Variants in FHIP1A observed in about 807,000 individuals in gnomAD.
FHIP1A encodes FHF complex subunit HOOK interacting protein 1A, also known as FHF complex subunit HOOK-interacting protein 1A.
A neutral mutation model predicts 88.6 loss-of-function variants in FHIP1A; 61 were observed. That is an observed-to-expected ratio of 0.69 (90% CI 0.56 to 0.85). The LOEUF (loss-of-function observed/expected upper bound fraction) is 0.85. Among genes scored for constraint, FHIP1A ranks in the 40% least tolerant of loss-of-function variants. FHIP1A has a pLI of 0.00. For missense variants in FHIP1A, 1,154 were observed against 1,273.5 expected (o/e 0.91, Z 1.43); for synonymous variants, 478 against 496.0 (o/e 0.96, Z 0.48).
chr4:151,484,699 C>A (rs1010463292), intron 3 of FHIP1A, among the ~76,000 whole-genome samples: 1 of 152,194 alleles, frequency 6.6e-6, no homozygotes, highest in African/African-American at 2.4e-5. Flanking sequence ...CAGTAGAATT[C>A]ATCTGTTATG....
chr4:151,516,077 A>T (rs1398029678), intron 3 of FHIP1A, among the ~76,000 whole-genome samples: 1 of 152,228 alleles, frequency 6.6e-6, no homozygotes, highest in Non-Finnish European at 1.5e-5. Flanking sequence ...TAACCAAAAC[A>T]GCATGGTACT....
At position 151,460,466 on chromosome 4, in the gene FHIP1A, T is replaced by C. The variant is rs553163748; in HGVS notation, c.-248+5658T>C. Among the ~76,000 whole-genome samples the C allele has an allele frequency of 4.6e-5, 7 of 152,340 alleles. No homozygotes were observed. In the South Asian group the frequency reaches 1.4e-3, roughly 32 times the overall value. On this transcript the variant is annotated intron_variant, in intron 2 of 13. Coordinates refer to ENST00000435205, the MANE Select transcript of FHIP1A (RefSeq NM_001109977.3). ...CACCACCTTTTCCTGAGTCTTAATT[T>C]GATGGTCTCTTCCTTAACTGCTGTC...
At chr4:151,643,935 A>C (rs952342239) in intron 9 of FHIP1A, among the ~76,000 whole-genome samples, 1 of 152,218 alleles carries the variant, frequency 6.6e-6, no homozygotes, top group Non-Finnish European at 1.5e-5. Context: ...GTTTCAAGCT[A>C]CCCACTGGTG....
chr4:151,411,020 C>G (rs1732617899), intron 1 of FHIP1A, among the ~76,000 whole-genome samples: 1 of 152,152 alleles, frequency 6.6e-6, no homozygotes, highest in African/African-American at 2.4e-5. Context: ...TGAGAGTGGT[C>G]TAAAAATTTA....
chr4:151,538,043 A>G (rs550089173), intron 3 of FHIP1A, among the ~76,000 whole-genome samples: 3 of 152,320 alleles, frequency 2.0e-5, no homozygotes, highest in African/African-American at 7.2e-5. Context: ...TTCATGGGTA[A>G]GGGATAAATG....
chr4:151,640,638 A>C (rs1407706091), intron 9 of FHIP1A, among the ~76,000 whole-genome samples: 1 of 152,202 alleles, frequency 6.6e-6, no homozygotes, highest in Non-Finnish European at 1.5e-5. Context: ...TTAAATTCTT[A>C]AATACTGCTT....
intron 3 of FHIP1A, among the ~76,000 whole-genome samples, chr4:151,489,383 A>G (rs1730202073): frequency 6.6e-6 from 1 of 152,270 alleles, no homozygotes; most frequent in East Asian, 1.9e-4. Flanking sequence ...GAGGGGCCAC[A>G]GAGTGAAGGA....
At position 151,526,139 on chromosome 4, in the gene FHIP1A, A is replaced by G. The variant is rs566234042; in HGVS notation, c.-122-39999A>G. On this transcript the variant is annotated intron_variant, in intron 3 of 13. Transcript: ENST00000435205. ...TTTCATAGTACAGAACAAAATGAAA[A>G]GTCTCCCATGTCTACCTCTTTCCAC... 3.9e-5 allele frequency among the ~76,000 whole-genome samples: 6 copies of G among 152,362 alleles called. No homozygotes were observed. In the South Asian group the frequency reaches 1.2e-3, roughly 32 times the overall value.
intron 7 of FHIP1A, among the ~76,000 whole-genome samples, chr4:151,618,111 C>T (rs1455543035): frequency 2.0e-5 from 3 of 152,182 alleles, no homozygotes; most frequent in African/African-American, 7.2e-5. Flanking sequence ...TGTGTATCCT[C>T]AGCTGCTAGT....
intron 13 of FHIP1A, among the ~76,000 whole-genome samples, chr4:151,658,136 G>A (rs1009777166): frequency 3.3e-5 from 5 of 152,174 alleles, no homozygotes; most frequent in Admixed American, 6.5e-5. Context: ...GGTAGACTTC[G>A]GGTGCCATGT....
intron 2 of FHIP1A, among the ~76,000 whole-genome samples, chr4:151,464,266 C>T (rs902136625): frequency 6.6e-6 from 1 of 152,130 alleles, no homozygotes; most frequent in Non-Finnish European, 1.5e-5. Flanking sequence ...TGGAGGGACT[C>T]CTAGAGGTAA....
intron 8 of FHIP1A, among the ~76,000 whole-genome samples, chr4:151,637,226 T>C (rs1177610474): frequency 3.9e-5 from 6 of 152,148 alleles, no homozygotes; most frequent in Non-Finnish European, 7.4e-5. Context: ...GAAGAAATCA[T>C]AGGAGTAAAT....
intron 7 of FHIP1A, among the ~76,000 whole-genome samples, chr4:151,597,181 C>T (rs544382001): frequency 2.6e-5 from 4 of 152,006 alleles, no homozygotes; most frequent in Admixed American, 6.6e-5. Flanking sequence ...CTTTGGTTTT[C>T]GATGTTGGTG....
intron 5 of FHIP1A, 126 bp from the exon 6 acceptor site, chr4:151,586,515 C>A: frequency 1.4e-6 from 1 of 714,862 alleles, no homozygotes; most frequent in Non-Finnish European, 2.2e-6. Flanking sequence ...GGCTCTTATA[C>A]CTTTAATACC....
intron 10 of FHIP1A, among the ~76,000 whole-genome samples, chr4:151,648,331 C>G (rs796464713): frequency 1.3e-5 from 2 of 152,090 alleles, no homozygotes; most frequent in Non-Finnish European, 2.9e-5. Context: ...GTAGTAAGTG[C>G]GCAATAAATA....
At chr4:151,450,442 G>A (rs754358113) in intron 1 of FHIP1A, among the ~76,000 whole-genome samples, 5 of 152,026 alleles carry the variant, frequency 3.3e-5, no homozygotes, top group African/African-American at 4.8e-5. Context: ...TGGATATACC[G>A]TTATTTATTT....
At chr4:151,569,131 C>T (rs1048939418) in intron 4 of FHIP1A, among the ~76,000 whole-genome samples, 29 of 152,290 alleles carry the variant, frequency 1.9e-4, no homozygotes, top group African/African-American at 6.7e-4. Flanking sequence ...CCCCTGGGTT[C>T]ACCTGAGGCA....
At chr4:151,525,959 C>CT (rs1446629415) in intron 3 of FHIP1A, among the ~76,000 whole-genome samples, 2 of 151,956 alleles carry the variant, frequency 1.3e-5, no homozygotes, top group East Asian at 3.9e-4. Flanking sequence ...GGTGATGACT[C>CT]TTAAGGAGCA....
Position 151,577,754 on chromosome 4 carries a change from A to G in FHIP1A, c.410A>G (p.Lys137Arg), listed in dbSNP as rs756800958. The G allele has an allele frequency of 7.7e-6, 12 of 1,551,698 alleles. No individual in the cohort carries two copies. The highest frequency in any genetic ancestry group is 2.7e-5 in the African/African-American group (2 of 72,988). Residue 137 changes from lysine (K) to arginine (R), a missense_variant, in exon 5 of 14, where the codon AAA becomes AGA. Coordinates refer to ENST00000435205, the MANE Select transcript of FHIP1A (RefSeq NM_001109977.3). ...TCGCACCAGCCTCTGCTGCACCACA[A>G]ACCCATTCTGAAGCCTCTGATGATG... ...TQSHQPLLHHKPILKPLMMLL... is the reference protein window; with the variant it reads ...TQSHQPLLHHRPILKPLMMLL...
Sources: allele counts gnomAD v4.1 joint callset (sites outside exome capture counted in the v4.1 genomes callset), GRCh38; gene constraint gnomAD v4.1.1; transcripts MANE v1.5; gene names NCBI Gene and HGNC (gene_info 2026-07-23, HGNC 2026-07-21).